Variants in ZNF544 observed in about 807,000 individuals in gnomAD.
The protein encoded by ZNF544 is zinc finger protein AF020591.
Under a neutral mutation model 13.5 loss-of-function variants are expected in ZNF544, and 10 were observed. That is an observed-to-expected ratio of 0.74 (90% CI 0.46 to 1.25). The LOEUF (loss-of-function observed/expected upper bound fraction) is 1.25. Ranked by LOEUF, ZNF544 falls within the 50% of genes most tolerant of loss-of-function variation. The pLI is 0.00. For synonymous variants in ZNF544, 323 were observed against 300.5 expected, an observed-to-expected ratio of 1.07 and a Z score of -0.77; for missense variants, 896 against 845.6, an observed-to-expected ratio of 1.06 and a Z score of -0.74.
At chr19:58,269,610 CAAAAAA>C (rs66778347) in intron 5 of ZNF544, among the ~76,000 whole-genome samples, 21 of 102,562 alleles carry the variant, frequency 2.0e-4, no homozygotes, top group South Asian at 3.2e-4. Context: ...GACTCTGTCT[CAAAAAA>C]AAAAAAAAAA....
Position 58,263,075 on chromosome 19 carries a change from C to A in ZNF544, c.*321C>A. On this transcript the variant is annotated 3_prime_UTR_variant, in exon 7 of 7. Transcript: ENST00000687789. Reference sequence around the variant, plus strand: ...GCAGAGAATTCATACTGGAGAGAAGCCCTGTGAATGTTAACAAATGTGGAA... The same window carrying A: ...GCAGAGAATTCATACTGGAGAGAAGACCTGTGAATGTTAACAAATGTGGAA... 7.4e-6 allele frequency: 8 copies of A among 1,087,704 alleles called. No individual in the cohort carries two copies. Among genetic ancestry groups the A allele is most frequent in the Non-Finnish European group, 9.0e-6 (8 of 892,870 alleles). The allele number at this position is 1,087,704 out of a possible 1,614,324, so 67.4% of individuals were successfully genotyped here.
chr19:58,237,951 AT>A (rs1194919441), intron 3 of ZNF544, among the ~76,000 whole-genome samples: 1 of 152,140 alleles, frequency 6.6e-6, no homozygotes, highest in African/African-American at 2.4e-5. Flanking sequence ...GTGTCTGGAG[AT>A]TTTTAAAACT....
chr19:58,259,918 TAAACA>T (rs1440102512), intron 6 of ZNF544: 5 of 151,808 alleles, frequency 3.3e-5, no homozygotes, highest in Admixed American at 3.3e-4. Context: ...GTCTCAAAAA[TAAACA>T]AAACAAAATA....
chr19:58,246,824 A>T (rs1476099829), intron 6 of ZNF544, 30 bp downstream of exon 6: 2 of 1,595,586 alleles, frequency 1.3e-6, no homozygotes, highest in African/African-American at 2.7e-5. Context: ...TGAGCAGCTC[A>T]ACGTTTAACA....
chr19:58,264,969 C>T (rs889450272), downstream of ZNF544, among the ~76,000 whole-genome samples: 1 of 152,132 alleles, frequency 6.6e-6, no homozygotes, highest in Non-Finnish European at 1.5e-5. Context: ...GAGCTGAGAT[C>T]ACACCACTGC....
Position 58,263,410 on chromosome 19 carries a change from G to A in ZNF544, c.*656G>A. On this transcript the variant is annotated 3_prime_UTR_variant, in exon 7 of 7. Transcript: ENST00000687789. The stretch of plus-strand genomic sequence containing the variant: ...TGGGAGGCGGTGGTTGCAGTGAGCT[G>A]TGATCATGCCATCACACCGCTGCCT... 1.0e-6 allele frequency: 1 copy of A among 984,346 alleles called. No individual in the cohort carries two copies. Among genetic ancestry groups the A allele is most frequent in the Non-Finnish European group, 1.2e-6 (1 of 829,086 alleles). 61.0% of individuals were successfully genotyped at this position (984,346 alleles called of 1,614,324 possible).
rs113929911 is a variant in ZNF544 at position 58,242,178 on chromosome 19, G to C, written c.-59-1787G>C. 6.4e-6 allele frequency: 6 copies of C among 939,848 alleles called. No individual in the cohort carries two copies. In the African/African-American group the frequency reaches 1.1e-4, roughly 17 times the overall value. The allele number at this position is 939,848 out of a possible 1,614,324, so 58.2% of individuals were successfully genotyped here. A position where few individuals can be genotyped will look rare whatever the true frequency, so the allele number is the denominator to read the frequency against. On this transcript the variant is annotated intron_variant, in intron 3 of 6. Transcript: ENST00000687789. ...GCTGGGGTGAAGTCCCAGCAGCTGC[G>C]AGTGTTGAGGCTGCTGTGAGGTGGC...
intron 5 of ZNF544, 130 bp from the exon 6 acceptor site, chr19:58,246,581 C>T: frequency 6.9e-7 from 1 of 1,454,674 alleles, no homozygotes; most frequent in Non-Finnish European, 9.4e-7. Context: ...ATCTCTGGGA[C>T]AGGTTTGTGA....
intron 3 of ZNF544, among the ~76,000 whole-genome samples, chr19:58,232,787 A>AT (rs2041590690): frequency 4.2e-5 from 6 of 144,494 alleles, no homozygotes; most frequent in Admixed American, 4.1e-4. Context: ...AAAAAAAAAA[A>AT]ATACAAAAAA....
intron 6 of ZNF544, among the ~76,000 whole-genome samples, chr19:58,247,012 A>G (rs1237501262): frequency 6.6e-6 from 1 of 152,202 alleles, no homozygotes; most frequent in South Asian, 2.1e-4. Flanking sequence ...CACCACAATC[A>G]GTTCTAGAAC....
At chr19:58,273,370 C>A (rs945979760) in intron 5 of ZNF544, among the ~76,000 whole-genome samples, 9 of 151,930 alleles carry the variant, frequency 5.9e-5, no homozygotes, top group Admixed American at 1.3e-4. Flanking sequence ...ATCAAATGAT[C>A]AACATGAATA....
chr19:58,262,857 GC>G lies in ZNF544; in HGVS notation c.*105del, dbSNP rs34204906. On this transcript the variant is annotated 3_prime_UTR_variant, in exon 7 of 7. Coordinates refer to ENST00000687789, the MANE Select transcript of ZNF544 (RefSeq NM_014480.4). The stretch of plus-strand genomic sequence containing the variant: ...GAGCTATCAGTGTGACGTGTATTAA[GC>G]CAGCGGTTGTGACTCATTGAACATC... 0.21 allele frequency: 320,342 copies of G among 1,507,900 alleles called. 38,337 individuals carry two copies. The highest frequency in any genetic ancestry group is 0.56 in the East Asian group (24,585 of 43,858). The allele number at this position is 1,507,900 out of a possible 1,614,324, so 93.4% of individuals were successfully genotyped here. A position where few individuals can be genotyped will look rare whatever the true frequency, so the allele number is the denominator to read the frequency against.
downstream of ZNF544, among the ~76,000 whole-genome samples, chr19:58,268,926 T>C (rs577444617): frequency 2.0e-5 from 3 of 152,340 alleles, no homozygotes; most frequent in South Asian, 6.2e-4. Context: ...GGAAGTTAGT[T>C]TATAAAAGAA....
intron 5 of ZNF544, among the ~76,000 whole-genome samples, chr19:58,269,610 CAAAAAAA>C (rs66778347): frequency 2.9e-5 from 3 of 102,566 alleles, no homozygotes; most frequent in Non-Finnish European, 4.0e-5. Flanking sequence ...GACTCTGTCT[CAAAAAAA>C]AAAAAAAAAA....
At chr19:58,239,925 C>T (rs576212914) in intron 3 of ZNF544, among the ~76,000 whole-genome samples, 1 of 151,558 alleles carries the variant, frequency 6.6e-6, no homozygotes, top group African/African-American at 2.4e-5. Context: ...TTACAGTGGT[C>T]AAAGGCACGC....
Position 58,246,382 on chromosome 19 carries a change from T to C in ZNF544, c.115T>C (p.Tyr39His). 1 of 1,614,100 alleles carries C rather than the reference T, an allele frequency of 6.2e-7. No homozygotes were observed. The highest frequency in any genetic ancestry group is 1.1e-5 in the South Asian group (1 of 91,074). ...EQLDLAQRTL[Y>H]REVTLETWEH... ...GCTGGACCTGGCCCAGAGGACACTG[T>C]ACCGAGAGGTGACACTGGAGACCTG... Residue 39 changes from tyrosine to histidine, a missense_variant, in exon 5 of 7, where the codon TAC becomes CAC. Transcript: ENST00000687789.
downstream of ZNF544, chr19:58,267,714 G>A (rs1353840576): frequency 6.8e-6 from 1 of 146,292 alleles, no homozygotes. Context: ...CTGGTGCGGT[G>A]GCTCACGCCT....
intron 4 of ZNF544, among the ~76,000 whole-genome samples, chr19:58,244,779 G>C (rs1285290148): frequency 6.6e-6 from 1 of 152,058 alleles, no homozygotes; most frequent in African/African-American, 2.4e-5. Context: ...GTTTTGCCAT[G>C]TTGCTCAGGC....
At chr19:58,244,834 C>T (rs574796581) in intron 4 of ZNF544, among the ~76,000 whole-genome samples, 1 of 152,330 alleles carries the variant, frequency 6.6e-6, no homozygotes, top group African/African-American at 2.4e-5. Context: ...GCCTCGGCCT[C>T]CCAAAGTGCT....
Sources: gnomAD v4.1 joint callset for allele counts (sites outside exome capture counted in the v4.1 genomes callset) on GRCh38, gnomAD v4.1.1 for gene constraint, MANE v1.5 for transcripts, NCBI Gene and HGNC (gene_info 2026-07-23, HGNC 2026-07-21) for gene names.